Variants in PRICKLE1 observed in about 807,000 individuals in gnomAD.
The protein encoded by PRICKLE1 is prickle planar cell polarity protein 1.
In PRICKLE1, 14 loss-of-function variants were observed where a neutral mutation model predicts 70.2. The observed-to-expected ratio is 0.20, with a 90% CI of 0.13 to 0.31. The LOEUF (loss-of-function observed/expected upper bound fraction) is 0.31. Ranked by LOEUF, PRICKLE1 falls within the 10% of genes least tolerant of loss-of-function variation. PRICKLE1 has a pLI of 1.00. For synonymous variants in PRICKLE1, 357 were observed against 379.9 expected (o/e 0.94, Z 0.70); for missense variants, 821 against 1,026.2 (o/e 0.80, Z 2.73).
intron 1 of PRICKLE1, among the ~76,000 whole-genome samples, chr12:42,538,662 T>C (rs570437298): frequency 1.3e-5 from 2 of 152,304 alleles, no homozygotes; most frequent in South Asian, 2.1e-4. Flanking sequence ...AATGCCCTAA[T>C]AGTTTGATGT....
chr12:42,529,989 C>T (rs1214468677), intron 1 of PRICKLE1, among the ~76,000 whole-genome samples: 2 of 150,336 alleles, frequency 1.3e-5, no homozygotes, highest in African/African-American at 2.5e-5. Context: ...CTCTGTCATC[C>T]AGGCTGGAGT....
At chr12:42,576,302 G>A (rs1940805801) in intron 1 of PRICKLE1, among the ~76,000 whole-genome samples, 1 of 152,246 alleles carries the variant, frequency 6.6e-6, no homozygotes, top group African/African-American at 2.4e-5. Flanking sequence ...AGAGGCAAAA[G>A]ATGAAAGGTT....
intron 1 of PRICKLE1, among the ~76,000 whole-genome samples, chr12:42,552,276 T>C (rs1940331459): frequency 6.6e-6 from 1 of 151,992 alleles, no homozygotes; most frequent in Non-Finnish European, 1.5e-5. Flanking sequence ...CCATGTTGCC[T>C]AGGCTGGTCT....
Position 42,459,941 on chromosome 12 carries a change from T to C in PRICKLE1, c.2364A>G (p.Pro788=), listed in dbSNP as rs760964320. The C allele has an allele frequency of 1.2e-6, 2 of 1,614,128 alleles. No homozygotes were observed. Among genetic ancestry groups the C allele is most frequent in the South Asian group, 2.2e-5 (2 of 91,080 alleles). The part of the protein sequence containing the change: ...FLGQPIPQPR[P]QRFAYYTDDL... ...CATCTGTATAGTAGGCAAATCTCTG[T>C]GGCCGGGGTTGAGGGATTGGTTGTC... The change falls in exon 8 of 8, where the codon CCA becomes CCG. Residue 788 remains proline (P), a synonymous_variant. Transcript: ENST00000345127.
At chr12:42,504,797 C>T (rs994601635) in intron 1 of PRICKLE1, among the ~76,000 whole-genome samples, 5 of 152,158 alleles carry the variant, frequency 3.3e-5, no homozygotes, top group Non-Finnish European at 7.3e-5. Flanking sequence ...CTTTATTTTT[C>T]TCTCGTTGCA....
intron 1 of PRICKLE1, among the ~76,000 whole-genome samples, chr12:42,580,395 C>A (rs575064169): frequency 6.6e-6 from 1 of 152,098 alleles, no homozygotes; most frequent in East Asian, 1.9e-4. Flanking sequence ...GAAGTAATTC[C>A]AAATTTAAAG....
intron 1 of PRICKLE1, among the ~76,000 whole-genome samples, chr12:42,525,198 T>A (rs1405025875): frequency 6.6e-6 from 1 of 152,208 alleles, no homozygotes; most frequent in Non-Finnish European, 1.5e-5. Context: ...AGTTTCCCGA[T>A]AGCTGAACAC....
At chr12:42,507,161 T>G (rs1017624) in intron 1 of PRICKLE1, among the ~76,000 whole-genome samples, 26,399 of 152,136 alleles carry the variant, frequency 0.17, 3,040 homozygotes, top group African/African-American at 0.31. Flanking sequence ...CTGCTGTCCT[T>G]CTGGGTAGGG....
At chr12:42,572,798 A>G (rs1448558587) in intron 1 of PRICKLE1, among the ~76,000 whole-genome samples, 1 of 152,166 alleles carries the variant, frequency 6.6e-6, no homozygotes, top group Non-Finnish European at 1.5e-5. Flanking sequence ...ACTGCATTCC[A>G]GTCTGGGCAA....
chr12:42,536,853 T>C (rs1248053272), intron 1 of PRICKLE1, among the ~76,000 whole-genome samples: 1 of 152,192 alleles, frequency 6.6e-6, no homozygotes. Context: ...TTGCTCCATT[T>C]GCTATGAGGA....
intron 1 of PRICKLE1, among the ~76,000 whole-genome samples, chr12:42,494,667 C>T (rs1939162303): frequency 6.6e-6 from 1 of 151,766 alleles, no homozygotes; most frequent in African/African-American, 2.4e-5. Flanking sequence ...ATTAGCCAGG[C>T]GTGGTGGCAC....
At chr12:42,469,250 T>C (rs1306732214) in intron 4 of PRICKLE1, among the ~76,000 whole-genome samples, 200 bp downstream of exon 4, 1 of 152,204 alleles carries the variant, frequency 6.6e-6, no homozygotes, top group East Asian at 1.9e-4. Flanking sequence ...GGTGACTGAC[T>C]CCTGCTGTCA....
chr12:42,567,873 C>T (rs567789778), intron 1 of PRICKLE1, among the ~76,000 whole-genome samples: 2 of 150,178 alleles, frequency 1.3e-5, no homozygotes, highest in South Asian at 2.1e-4. Flanking sequence ...CCTCTCTAAA[C>T]ACATGTACAT....
chr12:42,566,051 G>GAT (rs1940616131), intron 1 of PRICKLE1, among the ~76,000 whole-genome samples: 1 of 152,218 alleles, frequency 6.6e-6, no homozygotes, highest in Non-Finnish European at 1.5e-5. Flanking sequence ...CTGGCAGGAG[G>GAT]TTTGTGAAGG....
chr12:42,479,895 A>G (rs1177181514), intron 1 of PRICKLE1, among the ~76,000 whole-genome samples: 1 of 152,184 alleles, frequency 6.6e-6, no homozygotes, highest in Non-Finnish European at 1.5e-5. Flanking sequence ...CAGAGGCTGC[A>G]GTGAACCAAG....
At chr12:42,509,041 G>C (rs1386090749) in intron 1 of PRICKLE1, among the ~76,000 whole-genome samples, 1 of 152,216 alleles carries the variant, frequency 6.6e-6, no homozygotes, top group Non-Finnish European at 1.5e-5. Context: ...GAGTGATGAA[G>C]TAGAAACAAT....
chr12:42,544,668 G>A (rs1940174889), intron 1 of PRICKLE1, among the ~76,000 whole-genome samples: 1 of 152,082 alleles, frequency 6.6e-6, no homozygotes, highest in South Asian at 2.1e-4. Context: ...AACTAGTTAT[G>A]CTCTTAAAAA....
At chr12:42,585,801 C>T (rs901315622) in intron 1 of PRICKLE1, among the ~76,000 whole-genome samples, 4 of 152,278 alleles carry the variant, frequency 2.6e-5, no homozygotes, top group African/African-American at 9.6e-5. Flanking sequence ...TTCAGCATGA[C>T]CATAAACAAG....
intron 1 of PRICKLE1, among the ~76,000 whole-genome samples, chr12:42,544,179 C>T (rs1940167619): frequency 6.6e-6 from 1 of 152,200 alleles, no homozygotes; most frequent in South Asian, 2.1e-4. Context: ...AACATTGCTG[C>T]CCATCAAGAA....
Sources: gnomAD v4.1 joint callset for allele counts (sites outside exome capture counted in the v4.1 genomes callset) on GRCh38, gnomAD v4.1.1 for gene constraint, MANE v1.5 for transcripts, NCBI Gene and HGNC (gene_info 2026-07-23, HGNC 2026-07-21) for gene names.